ARHGEF11: variants seen among roughly 807,000 people sequenced by gnomAD.
ARHGEF11 encodes the protein Rho guanine exchange factor (GEF) 11.
Under a neutral mutation model 193.7 loss-of-function variants are expected in ARHGEF11, and 55 were observed. That is an observed-to-expected ratio of 0.28 (90% CI 0.23 to 0.36). ARHGEF11 has a LOEUF of 0.36. ARHGEF11 is among the 10% of genes least tolerant of loss of function. The probability of loss-of-function intolerance (pLI) is 1.00; values close to 1 mark genes in which losing one functional copy is unlikely to be tolerated. For missense variants in ARHGEF11, 1,723 were observed against 2,005.6 expected (o/e 0.86, Z 2.69); for synonymous variants, 693 against 768.0 (o/e 0.90, Z 1.62).
chr1:156,943,939 G>C lies in ARHGEF11; in HGVS notation c.3231C>G (p.Ala1077=), dbSNP rs1187813968. ...CTGGACCATCTCCCCAGGTACCTGTGGCCACAGAGCGGATGAGCACAGCAT... is the reference window on the plus strand; with the variant it reads ...CTGGACCATCTCCCCAGGTACCTGTCGCCACAGAGCGGATGAGCACAGCAT... ...KLNAVLIRSV[A]TDKRAFFIIC... is the part of the protein sequence containing the mutation. Residue 1077 remains alanine, a synonymous_variant, in exon 32 of 41, where the codon GCC becomes GCG. Transcript: ENST00000368194. 1.5e-5 allele frequency: 24 copies of C among 1,610,730 alleles called. No individual in the cohort carries two copies. Among genetic ancestry groups the C allele is most frequent in the Non-Finnish European group, 2.0e-5 (23 of 1,177,866 alleles).
intron 1 of ARHGEF11, among the ~76,000 whole-genome samples, chr1:157,006,027 T>A (rs183740749): frequency 3.3e-5 from 5 of 152,252 alleles, no homozygotes; most frequent in African/African-American, 1.2e-4. Context: ...TATATGTACA[T>A]ACACATAAAA....
intron 1 of ARHGEF11, 141 bp downstream of exon 1, chr1:157,044,158 C>A: frequency 1.3e-6 from 1 of 770,434 alleles, no homozygotes. Context: ...GCTGACAGTC[C>A]CCAGAGACTA....
intron 1 of ARHGEF11, among the ~76,000 whole-genome samples, chr1:156,998,369 C>A (rs2102643501): frequency 6.6e-6 from 1 of 152,316 alleles, no homozygotes; most frequent in East Asian, 1.9e-4. Context: ...AAGCTCAATG[C>A]CGAAGCTATG....
intron 29 of ARHGEF11, 68 bp downstream of exon 29, chr1:156,945,972 ACAAAG>A: frequency 7.9e-7 from 1 of 1,262,224 alleles, no homozygotes; most frequent in Non-Finnish European, 1.1e-6. Context: ...TGCTAAGGTC[ACAAAG>A]CAGTGTCAGA....
intron 1 of ARHGEF11, among the ~76,000 whole-genome samples, chr1:156,992,166 C>T (rs1438085492): frequency 6.6e-6 from 1 of 152,170 alleles, no homozygotes; most frequent in African/African-American, 2.4e-5. Flanking sequence ...TGCTGTGTTT[C>T]TTCTTGTAAA....
intron 1 of ARHGEF11, among the ~76,000 whole-genome samples, chr1:157,038,461 T>C (rs754232040): frequency 3.3e-5 from 5 of 152,158 alleles, no homozygotes; most frequent in Admixed American, 6.6e-5. Flanking sequence ...GAAATCACAA[T>C]AGAAAGACAA....
chr1:156,942,861 G>A, intron 32 of ARHGEF11, 81 bp from the exon 33 acceptor site: 1 of 1,198,136 alleles, frequency 8.3e-7, no homozygotes, highest in Admixed American at 1.8e-5. Context: ...TGACAGAGTG[G>A]GACTCAAAGC....
intron 5 of ARHGEF11, 21 bp from the exon 6 acceptor site, chr1:156,978,403 A>G (rs1410022478): frequency 3.2e-6 from 5 of 1,568,778 alleles, no homozygotes; most frequent in Non-Finnish European, 3.5e-6. Context: ...ACAGAGAGAG[A>G]CTTGTTCCAG....
At position 156,945,191 on chromosome 1, in the gene ARHGEF11, G is replaced by A. The variant is rs2101901668; in HGVS notation, c.2819C>T (p.Thr940Ile). Residue 940 changes from threonine to isoleucine, a missense_variant, in exon 30 of 41, where the codon ACC becomes ATC. By Grantham distance (89) the Thr-to-Ile change is moderately conservative. Transcript: ENST00000368194. ...ESIIKHTEGG[T>I]SEHEKLCRAR... ...CCGGCACAGCTTCTCATGCTCAGAGGTGCCACCTACCAAAATGGACAGAAG... is the reference window on the plus strand; with the variant it reads ...CCGGCACAGCTTCTCATGCTCAGAGATGCCACCTACCAAAATGGACAGAAG... 4 of 1,613,604 alleles carry A rather than the reference G, an allele frequency of 2.5e-6. No homozygotes were observed. The highest frequency in any genetic ancestry group is 2.2e-5 in the East Asian group (1 of 44,882).
intron 11 of ARHGEF11, among the ~76,000 whole-genome samples, chr1:156,966,835 T>C (rs1369770574): frequency 6.6e-6 from 1 of 152,228 alleles, no homozygotes; most frequent in Admixed American, 6.5e-5. Context: ...CTAGAGTTTA[T>C]TTTTCGGGTT....
intron 13 of ARHGEF11, among the ~76,000 whole-genome samples, 169 bp from the exon 14 acceptor site, chr1:156,961,944 C>T (rs1660924126): frequency 6.6e-6 from 1 of 152,196 alleles, no homozygotes; most frequent in African/African-American, 2.4e-5. Context: ...AGCCATATTT[C>T]CCCAAAGGCA....
intron 1 of ARHGEF11, among the ~76,000 whole-genome samples, chr1:157,023,042 T>A (rs973063430): frequency 6.6e-6 from 1 of 152,146 alleles, no homozygotes; most frequent in African/African-American, 2.4e-5. Context: ...ACTATGAAAC[T>A]CTTAGAAGAA....
At chr1:156,960,561 C>T (rs1307538477) in intron 14 of ARHGEF11, 101 bp from the exon 15 acceptor site, 6 of 1,045,866 alleles carry the variant, frequency 5.7e-6, no homozygotes, top group Non-Finnish European at 8.7e-6. Flanking sequence ...GAACTTCTTG[C>T]CTTTTCGCCT....
At chr1:156,965,767 T>C (rs1273776189) in intron 11 of ARHGEF11, among the ~76,000 whole-genome samples, 1 of 152,238 alleles carries the variant, frequency 6.6e-6, no homozygotes. Flanking sequence ...GAATTTTCTT[T>C]TGATGCCTGC....
At chr1:156,967,049 T>TA (rs1270074320) in intron 11 of ARHGEF11, among the ~76,000 whole-genome samples, 1 of 152,232 alleles carries the variant, frequency 6.6e-6, no homozygotes, top group African/African-American at 2.4e-5. Context: ...TTCCTCTTTT[T>TA]AATATAAATG....
chr1:156,968,187 A>C, intron 10 of ARHGEF11, 63 bp from the exon 11 acceptor site: 304 of 1,546,256 alleles, frequency 2.0e-4, no homozygotes, highest in Non-Finnish European at 2.4e-4. Context: ...GGCTCAGCTC[A>C]TTTGGTGTTG....
intron 1 of ARHGEF11, among the ~76,000 whole-genome samples, chr1:157,023,665 C>T (rs1418892678): frequency 2.6e-5 from 4 of 151,474 alleles, no homozygotes; most frequent in African/African-American, 9.7e-5. Context: ...ACTTGGGAAG[C>T]TGAGGCTGAA....
Position 156,956,521 on chromosome 1 carries a change from C to T in ARHGEF11, c.1570G>A (p.Gly524Arg). 6.2e-7 allele frequency: 1 copy of T among 1,614,144 alleles called. No individual in the cohort carries two copies. The highest frequency in any genetic ancestry group is 2.2e-5 in the East Asian group (1 of 44,872). ...FALNTYMSHA[G>R]IRLREARPSN... is the part of the protein sequence containing the mutation. ...GGTCGTGCCTCTCGAAGACGGATCC[C>T]AGCATGGCTCATGTAGGTATTGAGG... The change falls in exon 19 of 41, where the codon GGG (glycine) becomes AGG (arginine). Residue 524 changes from glycine to arginine, a missense_variant. By Grantham distance (125) the Gly-to-Arg change is moderately radical (BLOSUM62 -2). Coordinates refer to ENST00000368194, the MANE Select transcript of ARHGEF11 (RefSeq NM_198236.3).
intron 1 of ARHGEF11, among the ~76,000 whole-genome samples, chr1:156,999,816 A>G (rs113853208): frequency 6.6e-6 from 1 of 152,330 alleles, no homozygotes; most frequent in East Asian, 1.9e-4. Flanking sequence ...TCCTCACCAC[A>G]TCGTAGCCAC....
Sources: gnomAD v4.1 joint callset for allele counts (sites outside exome capture counted in the v4.1 genomes callset) on GRCh38, gnomAD v4.1.1 for gene constraint, MANE v1.5 for transcripts, NCBI Gene and HGNC (gene_info 2026-07-23, HGNC 2026-07-21) for gene names.